The following PRKCA variants were observed in gnomAD, a reference collection of about 807,000 sequenced individuals.
PRKCA encodes protein kinase C alpha type.
A neutral mutation model predicts 87.0 loss-of-function variants in PRKCA; 27 were observed. The ratio of observed to expected loss-of-function variants is 0.31; its 90% CI spans 0.23 to 0.43. The LOEUF is 0.43. PRKCA is among the 20% of genes least tolerant of loss of function. The pLI, the probability that PRKCA is intolerant of heterozygous loss-of-function variation, is 1.00. For synonymous variants in PRKCA, 329 were observed against 311.1 expected, an observed-to-expected ratio of 1.06 and a Z score of -0.61; for missense variants, 518 against 852.3, an observed-to-expected ratio of 0.61 and a Z score of 4.88.
intron 8 of PRKCA, among the ~76,000 whole-genome samples, chr17:66,718,742 A>T (rs1315257552): frequency 6.6e-6 from 1 of 152,202 alleles, no homozygotes; most frequent in African/African-American, 2.4e-5. Flanking sequence ...GGATTTCAAC[A>T]TGTGAATTTG....
chr17:66,505,126 T>TA (rs1458629167), intron 3 of PRKCA, among the ~76,000 whole-genome samples: 15 of 152,224 alleles, frequency 9.9e-5, no homozygotes, highest in Non-Finnish European at 1.8e-4. Flanking sequence ...GTGGGTGGAT[T>TA]ATTTTATGTA....
At chr17:66,413,138 C>T (rs1031825522) in intron 2 of PRKCA, among the ~76,000 whole-genome samples, 13 of 152,330 alleles carry the variant, frequency 8.5e-5, no homozygotes, top group Admixed American at 5.9e-4. Context: ...CAACGTAAAT[C>T]GCCAGATTGT....
In PRKCA at chr17:66,525,321, T is replaced by G. The variant is rs1031149964; in HGVS notation, c.288+29038T>G. Among the ~76,000 whole-genome samples, 11 of 152,198 alleles carry G rather than the reference T, an allele frequency of 7.2e-5. No homozygotes were observed. The East Asian group carries it at 2.1e-3, about 29-fold the overall frequency. ...CACCATCAGCATCATATTTTTTTGTTACTAATAATTGAAAGATGTAAATAT... is the reference window on the plus strand; with the variant it reads ...CACCATCAGCATCATATTTTTTTGTGACTAATAATTGAAAGATGTAAATAT... On this transcript the variant is annotated intron_variant, in intron 3 of 16. Coordinates refer to ENST00000413366, the MANE Select transcript of PRKCA (RefSeq NM_002737.3).
At chr17:66,638,624 G>A (rs1404533640) in intron 3 of PRKCA, among the ~76,000 whole-genome samples, 1 of 152,136 alleles carries the variant, frequency 6.6e-6, no homozygotes, top group African/African-American at 2.4e-5. Context: ...CAAGGCAGGT[G>A]GATCACGAGG....
At chr17:66,630,580 C>T (rs1402976005) in intron 3 of PRKCA, among the ~76,000 whole-genome samples, 1 of 152,212 alleles carries the variant, frequency 6.6e-6, no homozygotes, top group Non-Finnish European at 1.5e-5. Context: ...TCCCAAATAG[C>T]AGCTGTTCCT....
intron 3 of PRKCA, among the ~76,000 whole-genome samples, chr17:66,497,629 T>C (rs1453431548): frequency 6.6e-6 from 1 of 152,232 alleles, no homozygotes; most frequent in Non-Finnish European, 1.5e-5. Context: ...CAGGCAGGCT[T>C]AGAAGGGTAG....
At chr17:66,506,327 G>A (rs1303684882) in intron 3 of PRKCA, among the ~76,000 whole-genome samples, 1 of 151,756 alleles carries the variant, frequency 6.6e-6, no homozygotes, top group Non-Finnish European at 1.5e-5. Flanking sequence ...TTGGGATCTG[G>A]CCTAGGCAAC....
At chr17:66,561,936 A>C (rs1285096805) in intron 3 of PRKCA, among the ~76,000 whole-genome samples, 4 of 151,644 alleles carry the variant, frequency 2.6e-5, no homozygotes, top group African/African-American at 9.7e-5. Context: ...CAGTTGTGGA[A>C]GATGAAAGAG....
intron 5 of PRKCA, among the ~76,000 whole-genome samples, chr17:66,656,938 A>G (rs1971750204): frequency 6.6e-6 from 1 of 152,194 alleles, no homozygotes; most frequent in Non-Finnish European, 1.5e-5. Flanking sequence ...ATATGTATAT[A>G]TATATTTTCA....
chr17:66,398,230 T>G (rs1475317059), intron 2 of PRKCA: 2 of 152,040 alleles, frequency 1.3e-5, no homozygotes, highest in African/African-American at 4.8e-5. Context: ...TGGAAGGAAA[T>G]GAAACAGACT....
chr17:66,724,575 A>T (rs1973696729), intron 8 of PRKCA, among the ~76,000 whole-genome samples: 1 of 152,170 alleles, frequency 6.6e-6, no homozygotes, highest in Non-Finnish European at 1.5e-5. Flanking sequence ...TGCTCTGAGC[A>T]TTCATTCATC....
At chr17:66,551,246 G>A (rs72845907) in intron 3 of PRKCA, among the ~76,000 whole-genome samples, 8,942 of 152,176 alleles carry the variant, frequency 0.059, 339 homozygotes, top group Non-Finnish European at 0.084. Context: ...ATACTTTTCC[G>A]TAGAGACAGG....
intron 2 of PRKCA, among the ~76,000 whole-genome samples, chr17:66,380,943 CTTTTTT>C (rs60151675): frequency 7.7e-5 from 11 of 142,786 alleles, no homozygotes; most frequent in South Asian, 6.7e-4. Flanking sequence ...TTTTATTTTT[CTTTTTT>C]TTTTTTTGGA....
At chr17:66,483,403 A>G (rs993697418) in intron 2 of PRKCA, among the ~76,000 whole-genome samples, 1 of 151,780 alleles carries the variant, frequency 6.6e-6, no homozygotes, top group Middle Eastern at 3.2e-3. Flanking sequence ...CCATCTTCAC[A>G]TGAGTTCTCC....
chr17:66,665,157 C>T (rs1210729223), intron 5 of PRKCA, among the ~76,000 whole-genome samples: 2 of 152,104 alleles, frequency 1.3e-5, no homozygotes, highest in Non-Finnish European at 2.9e-5. Flanking sequence ...TTATTAAGTG[C>T]TTATTTTGTG....
At chr17:66,777,353 T>G (rs939825764) in intron 14 of PRKCA, 29 of 985,248 alleles carry the variant, frequency 2.9e-5, no homozygotes, top group Admixed American at 1.2e-4. Flanking sequence ...AGCCTGCATT[T>G]GATCATTATT....
chr17:66,552,042 A>G (rs1047309864), intron 3 of PRKCA, among the ~76,000 whole-genome samples: 1 of 152,212 alleles, frequency 6.6e-6, no homozygotes, highest in African/African-American at 2.4e-5. Context: ...TCATGCCCGT[A>G]ATCCCAGCAC....
At chr17:66,542,686 G>T (rs1233309439) in intron 3 of PRKCA, among the ~76,000 whole-genome samples, 1 of 152,150 alleles carries the variant, frequency 6.6e-6, no homozygotes, top group Admixed American at 6.5e-5. Context: ...ATGAAGGTTG[G>T]AAAGACAAGT....
At chr17:66,524,721 G>C (rs115094218) in intron 3 of PRKCA, among the ~76,000 whole-genome samples, 3 of 152,198 alleles carry the variant, frequency 2.0e-5, no homozygotes, top group African/African-American at 7.2e-5. Context: ...ACAGAGCTTA[G>C]GTTACAGTGC....
Sources: gnomAD v4.1 joint callset for allele counts (sites outside exome capture counted in the v4.1 genomes callset) on GRCh38, gnomAD v4.1.1 for gene constraint, MANE v1.5 for transcripts, NCBI Gene and HGNC (gene_info 2026-07-23, HGNC 2026-07-21) for gene names.